Variants in USP28 observed in about 807,000 individuals in gnomAD.
USP28 encodes ubiquitin specific peptidase 28.
USP28 carries 113 observed loss-of-function variants against 145.0 expected under a neutral mutation model. The observed-to-expected ratio is 0.78, with a 90% CI of 0.67 to 0.91. USP28 has a LOEUF of 0.91. USP28 is among the 40% of genes least tolerant of loss of function. The pLI is 0.00. For missense variants in USP28, 1,201 were observed against 1,289.6 expected, an observed-to-expected ratio of 0.93 and a Z score of 1.05; for synonymous variants, 447 against 450.9, an observed-to-expected ratio of 0.99 and a Z score of 0.11.
exon 25 of USP28, chr11:113,798,685 A>T (rs1447577789): frequency 6.6e-6 from 1 of 152,662 alleles, no homozygotes; most frequent in South Asian, 2.1e-4. Context: ...TTGACTTTTC[A>T]ACATCTCACT....
intron 2 of USP28, 130 bp from the exon 3 acceptor site, chr11:113,852,763 G>A: frequency 9.9e-7 from 1 of 1,009,398 alleles, no homozygotes; most frequent in Non-Finnish European, 1.4e-6. Context: ...AGAATTATGA[G>A]ACTATGGTGG....
At chr11:113,845,560 G>A (rs1336648081) in intron 3 of USP28, among the ~76,000 whole-genome samples, 1 of 152,146 alleles carries the variant, frequency 6.6e-6, no homozygotes, top group Non-Finnish European at 1.5e-5. Flanking sequence ...CTACTTCTGG[G>A]TATCCAAAAG....
At chr11:113,870,202 T>C (rs1948680020) in intron 1 of USP28, among the ~76,000 whole-genome samples, 1 of 151,828 alleles carries the variant, frequency 6.6e-6, no homozygotes, top group South Asian at 2.1e-4. Flanking sequence ...AAAAAAGTGG[T>C]AATGAGGGAT....
intron 5 of USP28, among the ~76,000 whole-genome samples, chr11:113,840,213 C>A (rs1044596754): frequency 6.6e-5 from 10 of 152,242 alleles, no homozygotes; most frequent in Middle Eastern, 3.4e-3. Context: ...TTGATCTCCT[C>A]AGCGCCTCAA....
Position 113,834,365 on chromosome 11 carries a change from C to A in USP28, c.535-30G>T, listed in dbSNP as rs148240992. ...AATAAAGAAAGAAAGGGATTCATAG[C>A]CTTTCCTGAAAATAACTGCAGCAAC... On this transcript the variant is annotated intron_variant, in intron 5 of 24. Coordinates refer to ENST00000003302, the Ensembl canonical transcript of USP28. 1,428 of 1,490,420 alleles carry A rather than the reference C, an allele frequency of 9.6e-4. 16 individuals carry two copies. The African/African-American group carries it at 0.017, about 17-fold the overall frequency. 92.3% of individuals were successfully genotyped at this position (1,490,420 alleles called of 1,614,324 possible). A position where few individuals can be genotyped will look rare whatever the true frequency, so the allele number is the denominator to read the frequency against.
At chr11:113,851,065 C>T (rs1206458803) in intron 3 of USP28, among the ~76,000 whole-genome samples, 2 of 152,160 alleles carry the variant, frequency 1.3e-5, no homozygotes, top group African/African-American at 2.4e-5. Flanking sequence ...CTCTCTCACA[C>T]AACCCTACCT....
intron 9 of USP28, 72 bp downstream of exon 9, chr11:113,830,795 C>A (rs1943891853): frequency 6.3e-6 from 9 of 1,431,226 alleles, no homozygotes; most frequent in Non-Finnish European, 8.8e-6. Flanking sequence ...CACTATACTG[C>A]CTCCTCAAAG....
intron 11 of USP28, among the ~76,000 whole-genome samples, chr11:113,825,677 T>C (rs151265716): frequency 1.3e-4 from 20 of 152,328 alleles, no homozygotes; most frequent in African/African-American, 4.8e-4. Context: ...AAATTACTTA[T>C]ATATGAACAA....
chr11:113,823,356 C>T (rs187139649), intron 12 of USP28, among the ~76,000 whole-genome samples: 1 of 152,210 alleles, frequency 6.6e-6, no homozygotes, highest in Admixed American at 6.5e-5. Context: ...CTCAGTTTCT[C>T]CTTGGTACAC....
chr11:113,862,780 GA>G (rs1221960589), intron 1 of USP28, among the ~76,000 whole-genome samples: 4 of 151,428 alleles, frequency 2.6e-5, no homozygotes, highest in South Asian at 2.1e-4. Context: ...GAATGAAGGA[GA>G]AAAAAAACAA....
intron 1 of USP28, among the ~76,000 whole-genome samples, chr11:113,861,323 A>G (rs1014335224): frequency 2.0e-5 from 3 of 152,238 alleles, no homozygotes; most frequent in Non-Finnish European, 4.4e-5. Flanking sequence ...TAAAAAAGAT[A>G]AACAGCAGCT....
At chr11:113,810,969 C>T (rs574760486) in intron 16 of USP28, among the ~76,000 whole-genome samples, 21 of 152,288 alleles carry the variant, frequency 1.4e-4, no homozygotes, top group African/African-American at 3.4e-4. Flanking sequence ...ACCACCATGC[C>T]GGGGCGATGT....
intron 11 of USP28, among the ~76,000 whole-genome samples, chr11:113,825,082 A>G (rs1943142694): frequency 6.6e-6 from 1 of 152,168 alleles, no homozygotes; most frequent in African/African-American, 2.4e-5. Flanking sequence ...CACCTAAAAC[A>G]ATTTTGAAAA....
At chr11:113,851,656 C>T (rs1348819431) in intron 3 of USP28, among the ~76,000 whole-genome samples, 1 of 152,018 alleles carries the variant, frequency 6.6e-6, no homozygotes, top group Non-Finnish European at 1.5e-5. Context: ...ATTAGCCAGG[C>T]GTAGTGGTGG....
intron 9 of USP28, among the ~76,000 whole-genome samples, chr11:113,830,484 G>C (rs892280701): frequency 3.3e-5 from 5 of 152,168 alleles, no homozygotes; most frequent in Admixed American, 1.3e-4. Flanking sequence ...AGCCTCCAGA[G>C]TGAAAAGCCT....
intron 1 of USP28, among the ~76,000 whole-genome samples, chr11:113,865,465 T>C (rs1948159557): frequency 6.6e-6 from 1 of 152,166 alleles, no homozygotes; most frequent in African/African-American, 2.4e-5. Flanking sequence ...AAAGCTACGG[T>C]TATCATAACA....
intron 11 of USP28, among the ~76,000 whole-genome samples, chr11:113,824,582 G>A (rs1440845292): frequency 6.6e-6 from 1 of 150,840 alleles, no homozygotes; most frequent in African/African-American, 2.4e-5. Context: ...GCCTCCCAAA[G>A]TGCTGGGATT....
chr11:113,849,751 AAGAG>A (rs1946263152), intron 3 of USP28, among the ~76,000 whole-genome samples: 2 of 152,134 alleles, frequency 1.3e-5, no homozygotes. Context: ...GTCTGCCAGG[AAGAG>A]AAAGATAGTG....
intron 16 of USP28, among the ~76,000 whole-genome samples, chr11:113,810,932 C>T (rs1940879072): frequency 6.6e-6 from 1 of 152,248 alleles, no homozygotes; most frequent in African/African-American, 2.4e-5. Flanking sequence ...GCCTTGGCCT[C>T]CCAAAGTGCT....
Sources: gnomAD v4.1 joint callset for allele counts (sites outside exome capture counted in the v4.1 genomes callset) on GRCh38, gnomAD v4.1.1 for gene constraint, MANE v1.5 for transcripts, NCBI Gene and HGNC (gene_info 2026-07-23, HGNC 2026-07-21) for gene names.